Variants in TAMM41 observed in about 807,000 individuals in gnomAD.
TAMM41 encodes phosphatidate cytidylyltransferase, mitochondrial.
Under a neutral mutation model 44.1 loss-of-function variants are expected in TAMM41, and 36 were observed. The ratio of observed to expected loss-of-function variants is 0.82; its 90% CI spans 0.63 to 1.08. TAMM41 has a LOEUF of 1.08. TAMM41 is among the 50% of genes least tolerant of loss of function. The probability of loss-of-function intolerance (pLI) is 0.00; values close to 1 mark genes in which losing one functional copy is unlikely to be tolerated. For missense variants in TAMM41, 417 were observed against 404.3 expected, an observed-to-expected ratio of 1.03 and a Z score of -0.27; for synonymous variants, 164 against 153.1, an observed-to-expected ratio of 1.07 and a Z score of -0.53.
At chr3:11,754,936 G>C in the TAMM41 span, among the ~76,000 whole-genome samples, 1 of 151,880 alleles carries the variant, frequency 6.6e-6, no homozygotes, top group East Asian at 1.9e-4. Context: ...CTGACCTCAG[G>C]TGATCCACCT....
the TAMM41 span, among the ~76,000 whole-genome samples, chr3:11,770,988 T>G: frequency 6.6e-6 from 1 of 151,998 alleles, no homozygotes; most frequent in African/African-American, 2.4e-5. Flanking sequence ...AGACCTGCTC[T>G]CCGCAGCCCT....
the TAMM41 span, among the ~76,000 whole-genome samples, chr3:11,750,880 C>T: frequency 5.9e-5 from 9 of 152,106 alleles, no homozygotes; most frequent in East Asian, 1.9e-4. Context: ...AGATGGGGCT[C>T]GCTCCTGTCC....
intron 3 of TAMM41, 74 bp from the exon 4 acceptor site, chr3:11,829,938 TG>T: frequency 7.0e-7 from 1 of 1,421,162 alleles, no homozygotes; most frequent in Non-Finnish European, 9.8e-7. Context: ...ACAAATGCAC[TG>T]GAACTATCTC....
At chr3:11,764,016 G>C in the TAMM41 span, among the ~76,000 whole-genome samples, 1 of 152,036 alleles carries the variant, frequency 6.6e-6, no homozygotes, top group Non-Finnish European at 1.5e-5. Context: ...TTTTTTGGTT[G>C]TTGTTGAGAC....
chr3:11,781,776 A>AATAATAATC, the TAMM41 span, among the ~76,000 whole-genome samples: 1 of 39,628 alleles, frequency 2.5e-5, no homozygotes, highest in Non-Finnish European at 4.6e-5. Flanking sequence ...TAATAATAAT[A>AATAATAATC]ATAATCATAC....
the TAMM41 span, among the ~76,000 whole-genome samples, chr3:11,772,079 C>CT: frequency 0.098 from 14,602 of 148,976 alleles, 883 homozygotes; most frequent in South Asian, 0.13. Context: ...TTCTTTTTTT[C>CT]TTTTTTTTTG....
At chr3:11,827,459 A>AC (rs1559308098) in intron 4 of TAMM41, among the ~76,000 whole-genome samples, 1 of 151,464 alleles carries the variant, frequency 6.6e-6, no homozygotes, top group African/African-American at 2.4e-5. Flanking sequence ...ACAGGCATGC[A>AC]CCACCACGCC....
chr3:11,811,704 CTT>C (rs2078091424), intron 5 of TAMM41: 1 of 152,170 alleles, frequency 6.6e-6, no homozygotes, highest in African/African-American at 2.4e-5. Context: ...ATGGAAAAAA[CTT>C]TATATGATTC....
chr3:11,800,442 A>G (rs2077719939), intron 7 of TAMM41, among the ~76,000 whole-genome samples: 1 of 152,150 alleles, frequency 6.6e-6, no homozygotes, highest in Non-Finnish European at 1.5e-5. Context: ...TGAAGACACA[A>G]ATAGACTGAA....
intron 7 of TAMM41, among the ~76,000 whole-genome samples, chr3:11,792,832 C>T (rs749049307): frequency 1.3e-5 from 2 of 152,012 alleles, no homozygotes; most frequent in Non-Finnish European, 2.9e-5. Context: ...GAGGCCGAGG[C>T]GGGCAGACCA....
the TAMM41 span, among the ~76,000 whole-genome samples, chr3:11,728,530 CCTTT>C: frequency 6.6e-6 from 1 of 152,260 alleles, no homozygotes; most frequent in South Asian, 2.1e-4. Context: ...TAATCCTCTT[CCTTT>C]CTTTCTTGCA....
At chr3:11,756,367 C>A in the TAMM41 span, among the ~76,000 whole-genome samples, 1 of 152,184 alleles carries the variant, frequency 6.6e-6, no homozygotes, top group Non-Finnish European at 1.5e-5. Context: ...GAGGAATAGG[C>A]AGGACCTGTC....
chr3:11,749,901 CTT>C, the TAMM41 span, among the ~76,000 whole-genome samples: 1,573 of 135,868 alleles, frequency 0.012, 16 homozygotes, highest in African/African-American at 0.028. Context: ...CTTTTTCTTT[CTT>C]TTTTTTTTTT....
the TAMM41 span, among the ~76,000 whole-genome samples, chr3:11,746,640 TATTA>T: frequency 9.2e-5 from 10 of 108,800 alleles, no homozygotes; most frequent in African/African-American, 3.9e-4. Flanking sequence ...TGCTATTTAT[TATTA>T]ATTAATTTAT....
chr3:11,822,997 A>G (rs1176876349), intron 4 of TAMM41, among the ~76,000 whole-genome samples: 1 of 152,212 alleles, frequency 6.6e-6, no homozygotes, highest in African/African-American at 2.4e-5. Context: ...TCTAATCAGC[A>G]ATGTATGAGG....
intron 6 of TAMM41, 161 bp downstream of exon 6, chr3:11,809,356 G>T: frequency 2.8e-6 from 2 of 721,900 alleles, no homozygotes; most frequent in Non-Finnish European, 4.5e-6. Flanking sequence ...AAATAAAAAT[G>T]CAGATTTAGA....
the TAMM41 span, among the ~76,000 whole-genome samples, chr3:11,762,659 ACTC>A: frequency 6.6e-6 from 1 of 152,024 alleles, no homozygotes; most frequent in Non-Finnish European, 1.5e-5. Flanking sequence ...AGGTAAGTGA[ACTC>A]CTGACTCTCT....
At chr3:11,830,342 A>G (rs2078931959) in intron 3 of TAMM41, among the ~76,000 whole-genome samples, 1 of 152,206 alleles carries the variant, frequency 6.6e-6, no homozygotes, top group African/African-American at 2.4e-5. Flanking sequence ...GAAAAATGAA[A>G]GAAAACTAGC....
chr3:11,748,829 A>G, the TAMM41 span, among the ~76,000 whole-genome samples: 16 of 151,924 alleles, frequency 1.1e-4, no homozygotes, highest in African/African-American at 3.4e-4. Context: ...ATCTGTGACA[A>G]TGAGAGCCTG....
Sources: gnomAD v4.1 joint callset for allele counts (sites outside exome capture counted in the v4.1 genomes callset) on GRCh38, gnomAD v4.1.1 for gene constraint, MANE v1.5 for transcripts, NCBI Gene and HGNC (gene_info 2026-07-23, HGNC 2026-07-21) for gene names.